The following SPATA6 variants were observed in gnomAD, a reference collection of about 807,000 sequenced individuals.
SPATA6 encodes the protein spermatogenesis associated 6, also known as spermatogenesis-associated protein 6.
A neutral mutation model predicts 65.3 loss-of-function variants in SPATA6; 56 were observed. The observed-to-expected ratio is 0.86, with a 90% CI of 0.69 to 1.07. The LOEUF is 1.07. SPATA6 is among the 50% of genes least tolerant of loss of function. The probability of loss-of-function intolerance (pLI) is 0.00; values close to 1 mark genes in which losing one functional copy is unlikely to be tolerated. For missense variants in SPATA6, 590 were observed against 594.8 expected, an observed-to-expected ratio of 0.99 and a Z score of 0.08; for synonymous variants, 199 against 213.2, an observed-to-expected ratio of 0.93 and a Z score of 0.58.
intron 12 of SPATA6, among the ~76,000 whole-genome samples, chr1:48,302,879 C>G (rs1203871162): frequency 1.3e-5 from 2 of 151,958 alleles, no homozygotes; most frequent in African/African-American, 4.8e-5. Flanking sequence ...GCTTGTTTGC[C>G]AAGTAGTATT....
At chr1:48,277,221 G>T in the SPATA6 span, among the ~76,000 whole-genome samples, 60 of 151,706 alleles carry the variant, frequency 4.0e-4, no homozygotes, top group Non-Finnish European at 5.7e-4. Context: ...AATAGGAACC[G>T]CTCCGGTCTA....
At chr1:48,355,030 A>G (rs2148804992) in intron 11 of SPATA6, among the ~76,000 whole-genome samples, 1 of 152,266 alleles carries the variant, frequency 6.6e-6, no homozygotes, top group Non-Finnish European at 1.5e-5. Context: ...GACTAATCTT[A>G]GTGTCCAGCA....
chr1:48,435,861 T>C (rs1654890378), intron 3 of SPATA6: 1 of 1,200,788 alleles, frequency 8.3e-7, no homozygotes, highest in Admixed American at 1.8e-5. Context: ...CTGGCCATGG[T>C]CGCTGCTAGG....
intron 9 of SPATA6, among the ~76,000 whole-genome samples, chr1:48,366,189 G>A (rs567223282): frequency 1.6e-4 from 24 of 152,152 alleles, no homozygotes; most frequent in African/African-American, 3.4e-4. Flanking sequence ...TGCTGGATTC[G>A]GTTTGCCAGT....
At chr1:48,336,738 T>TCA (rs1386476172) in intron 11 of SPATA6, among the ~76,000 whole-genome samples, 11 of 151,908 alleles carry the variant, frequency 7.2e-5, no homozygotes. Flanking sequence ...GAGTCATGAA[T>TCA]TTACCTATAT....
Position 48,399,442 on chromosome 1 carries a change from G to T in SPATA6, c.689C>A (p.Ser230Tyr), listed in dbSNP as rs376034348. The change falls in exon 7 of 13, where the codon TCT becomes TAT. Residue 230 changes from serine to tyrosine, a missense_variant. By Grantham distance (144) the Ser-to-Tyr change is moderately radical. Coordinates refer to ENST00000371847, the MANE Select transcript of SPATA6 (RefSeq NM_019073.4). Reference sequence around the variant, plus strand: ...GGCCAGCCGCCGCCTGGTGTCTTCAGATAGCTCACACATGCGTCTTTTTGT... The same window carrying T: ...GGCCAGCCGCCGCCTGGTGTCTTCATATAGCTCACACATGCGTCTTTTTGT... ...PYTKRRMCEL[S>Y]EDTRRRLAHL... 4.3e-5 allele frequency: 69 copies of T among 1,613,080 alleles called. No individual in the cohort carries two copies. The highest frequency in any genetic ancestry group is 5.3e-5 in the Non-Finnish European group (62 of 1,179,412).
chr1:48,387,553 C>T lies in SPATA6; in HGVS notation c.869-2204G>A, dbSNP rs373012306. 1.3e-4 allele frequency among the ~76,000 whole-genome samples: 20 copies of T among 152,318 alleles called. 1 individual carries two copies. In the East Asian group the frequency reaches 2.5e-3, roughly 19 times the overall value. On this transcript the variant is annotated intron_variant, in intron 8 of 12. Transcript: ENST00000371847. ...AAGTACAGATACTACCTTCCACAAT[C>T]CAAGCATCCCACCAGTGGCCTGGCG...
intron 5 of SPATA6, among the ~76,000 whole-genome samples, chr1:48,405,310 C>G (rs993565946): frequency 6.6e-6 from 1 of 152,132 alleles, no homozygotes; most frequent in African/African-American, 2.4e-5. Context: ...TTACCTAGTA[C>G]TACAAAACAA....
downstream of SPATA6, among the ~76,000 whole-genome samples, chr1:48,290,696 C>G (rs1400601495): frequency 6.6e-6 from 1 of 152,100 alleles, no homozygotes; most frequent in Non-Finnish European, 1.5e-5. Context: ...AAGTTGCAAT[C>G]CTAGTCTCTG....
rs779210049 is a variant in SPATA6 at position 48,359,744 on chromosome 1, G to A, written c.936C>T (p.Asp312=). Residue 312 remains aspartate, a synonymous_variant, in exon 10 of 13, where the codon GAC becomes GAT. Transcript: ENST00000371847. ...CACATTTTTCTAAAGAGTCATCGAA[G>A]TCTCTCCCATGGGGTGTCCTGATAA... ...YKVIRTPHGR[D]FDDSLEKCEE... 1.2e-6 allele frequency: 2 copies of A among 1,612,850 alleles called. No individual in the cohort carries two copies. Among genetic ancestry groups the A allele is most frequent in the Non-Finnish European group, 1.7e-6 (2 of 1,179,532 alleles).
intron 11 of SPATA6, among the ~76,000 whole-genome samples, chr1:48,334,788 A>C (rs1468723894): frequency 1.3e-5 from 2 of 152,180 alleles, no homozygotes; most frequent in East Asian, 3.8e-4. Flanking sequence ...GGCCAGGGCA[A>C]TCAGACAAGA....
chr1:48,305,825 T>A lies in SPATA6; in HGVS notation c.1248A>T (p.Leu416Phe). ...DDELELKRSL[L>F]CRDSAYDSDP... ...CACTGTCATAGGCAGAGTCTCTACA[T>A]AAAAGACTTCTTTTCAGTTCCAGTT... The change falls in exon 12 of 13, where the codon TTA (leucine) becomes TTT (phenylalanine). Residue 416 changes from leucine (L) to phenylalanine (F), a missense_variant. Coordinates refer to ENST00000371847, the MANE Select transcript of SPATA6 (RefSeq NM_019073.4). 6.2e-7 allele frequency: 1 copy of A among 1,612,482 alleles called. No homozygotes were observed. Among genetic ancestry groups the A allele is most frequent in the South Asian group, 1.1e-5 (1 of 91,006 alleles).
chr1:48,274,523 T>C, the SPATA6 span, among the ~76,000 whole-genome samples: 1 of 152,194 alleles, frequency 6.6e-6, no homozygotes, highest in Non-Finnish European at 1.5e-5. Flanking sequence ...TTGTATAAGG[T>C]ATAAGGAAGG....
At chr1:48,399,288 T>A in intron 7 of SPATA6, 63 bp downstream of exon 7, 5 of 1,520,730 alleles carry the variant, frequency 3.3e-6, no homozygotes, top group Non-Finnish European at 4.4e-6. Flanking sequence ...TATTTCAGAA[T>A]AACAGTTTTT....
At chr1:48,265,597 A>T in the SPATA6 span, among the ~76,000 whole-genome samples, 1 of 152,224 alleles carries the variant, frequency 6.6e-6, no homozygotes, top group Non-Finnish European at 1.5e-5. Flanking sequence ...AAAAATTAAA[A>T]TCAGAAAAAA....
chr1:48,462,274 G>T (rs201519977), intron 1 of SPATA6, among the ~76,000 whole-genome samples: 2 of 152,158 alleles, frequency 1.3e-5, no homozygotes, highest in Admixed American at 6.5e-5. Flanking sequence ...CAGCACACCA[G>T]CATGGCACAT....
chr1:48,347,398 C>T (rs532461791), intron 11 of SPATA6, among the ~76,000 whole-genome samples: 47 of 148,312 alleles, frequency 3.2e-4, no homozygotes, highest in Non-Finnish European at 4.3e-4. Context: ...TACATAGGTA[C>T]GGGCCTATGT....
At chr1:48,415,597 T>C in intron 3 of SPATA6, among the ~76,000 whole-genome samples, 1 of 149,446 alleles carries the variant, frequency 6.7e-6, no homozygotes, top group Non-Finnish European at 1.5e-5. Context: ...CTTAAAGATA[T>C]GACAACAAAA....
chr1:48,396,525 C>G (rs746214094), intron 7 of SPATA6, among the ~76,000 whole-genome samples: 58 of 149,918 alleles, frequency 3.9e-4, no homozygotes, highest in Admixed American at 1.1e-3. Context: ...AAGTGTCTAT[C>G]AAGAGAAGAA....
Sources: gnomAD v4.1 joint callset for allele counts (sites outside exome capture counted in the v4.1 genomes callset) on GRCh38, gnomAD v4.1.1 for gene constraint, MANE v1.5 for transcripts, NCBI Gene and HGNC (gene_info 2026-07-23, HGNC 2026-07-21) for gene names.